The following PDE4D variants were observed in gnomAD, a reference collection of about 807,000 sequenced individuals.
PDE4D encodes phosphodiesterase 4D.
In PDE4D, 24 loss-of-function variants were observed where a neutral mutation model predicts 87.4. That is an observed-to-expected ratio of 0.27 (90% confidence interval 0.20 to 0.39). The LOEUF is 0.39. Among genes scored for constraint, PDE4D ranks in the 10% least tolerant of loss-of-function variants. PDE4D has a pLI of 1.00. For missense variants in PDE4D, 714 were observed against 1,041.0 expected (o/e 0.69, Z 4.32); for synonymous variants, 384 against 383.2 (o/e 1.00, Z -0.02).
intron 1 of PDE4D, among the ~76,000 whole-genome samples, chr5:60,334,895 A>G (rs898272252): frequency 3.9e-5 from 6 of 152,140 alleles, no homozygotes; most frequent in African/African-American, 1.4e-4. Flanking sequence ...TATTTTGTGC[A>G]TTCCATATAA....
rs78846268 is a variant in PDE4D at position 59,508,551 on chromosome 5, T to C, written c.456-292583A>G. Among the ~76,000 whole-genome samples the C allele has an allele frequency of 5.1e-3, 777 of 151,342 alleles. 41 individuals carry two copies. In the East Asian group the frequency reaches 0.13, roughly 25 times the overall value. ...ATGAGCTCACATATGTAAAAAAATA[T>C]AGAAAATGCATAAAAAAAATAAACT... On this transcript the variant is annotated intron_variant, in intron 1 of 14. Transcript: ENST00000340635.
At chr5:59,601,796 C>A (rs1393908278) in intron 1 of PDE4D, among the ~76,000 whole-genome samples, 1 of 151,996 alleles carries the variant, frequency 6.6e-6, no homozygotes, top group Admixed American at 6.6e-5. Flanking sequence ...CCTCAGAGCC[C>A]CAAGTGTAAA....
chr5:60,092,671 T>G (rs1330693768), intron 2 of PDE4D, among the ~76,000 whole-genome samples: 1 of 151,502 alleles, frequency 6.6e-6, no homozygotes, highest in African/African-American at 2.4e-5. Flanking sequence ...AGAAGACACA[T>G]GGTAGAGATC....
intron 1 of PDE4D, among the ~76,000 whole-genome samples, chr5:59,512,146 G>T (rs1379778621): frequency 1.3e-5 from 2 of 152,102 alleles, no homozygotes; most frequent in Non-Finnish European, 2.9e-5. Flanking sequence ...TGAGAAAAAA[G>T]AAAAATTAAA....
intron 1 of PDE4D, among the ~76,000 whole-genome samples, chr5:59,303,154 T>G (rs1338923378): frequency 6.6e-6 from 1 of 152,238 alleles, no homozygotes; most frequent in Non-Finnish European, 1.5e-5. Context: ...GTTGAGCATT[T>G]TTTCATATGT....
upstream of PDE4D, among the ~76,000 whole-genome samples, chr5:59,898,174 G>A (rs1462152592): frequency 6.6e-6 from 1 of 152,150 alleles, no homozygotes; most frequent in Non-Finnish European, 1.5e-5. Context: ...TGCAAATTTA[G>A]CAGCACACTA....
At chr5:60,161,013 T>C (rs1782429878) in intron 2 of PDE4D, among the ~76,000 whole-genome samples, 1 of 152,218 alleles carries the variant, frequency 6.6e-6, no homozygotes, top group Non-Finnish European at 1.5e-5. Context: ...AAAGATTTTC[T>C]TAATGAATTA....
chr5:59,223,110 G>C (rs1421481808), intron 1 of PDE4D, among the ~76,000 whole-genome samples: 4 of 152,150 alleles, frequency 2.6e-5, no homozygotes, highest in Admixed American at 6.5e-5. Flanking sequence ...ACAGATGCTG[G>C]AGCCAGATTG....
At chr5:59,095,007 A>G (rs1769436531) in intron 5 of PDE4D, among the ~76,000 whole-genome samples, 1 of 152,112 alleles carries the variant, frequency 6.6e-6, no homozygotes, top group Non-Finnish European at 1.5e-5. Flanking sequence ...CTGGAAAAAA[A>G]AAAGTACTAT....
At chr5:59,091,112 C>G (rs1247746194) in intron 5 of PDE4D, 2 of 453,722 alleles carry the variant, frequency 4.4e-6, no homozygotes, top group Non-Finnish European at 8.9e-6. Context: ...ATGCAATGAT[C>G]CCATTATAGA....
intron 1 of PDE4D, among the ~76,000 whole-genome samples, chr5:59,373,810 C>T (rs1447243189): frequency 7.9e-5 from 12 of 152,108 alleles, no homozygotes; most frequent in Non-Finnish European, 8.8e-5. Context: ...AAAGGAAGCC[C>T]ATCAGACTAA....
In PDE4D at chr5:59,990,583, T is replaced by C. The variant is rs568578458; in HGVS notation, c.43-1866A>G. Among the ~76,000 whole-genome samples, 3 of 152,326 alleles carry C rather than the reference T, an allele frequency of 2.0e-5. No individual in the cohort carries two copies. The South Asian group carries it at 6.2e-4, about 32-fold the overall frequency. The stretch of plus-strand genomic sequence containing the variant: ...AAAGCTAAAAAGAAAGTTCATTTAT[T>C]TCAAATCCTAAATTCTGAGAATCTG... On this transcript the variant is annotated intron_variant, in intron 2 of 16. Coordinates refer to the PDE4D transcript ENST00000502484.
At chr5:59,803,658 C>T (rs1767412683) in intron 1 of PDE4D, among the ~76,000 whole-genome samples, 1 of 152,136 alleles carries the variant, frequency 6.6e-6, no homozygotes, top group Non-Finnish European at 1.5e-5. Context: ...AATTCTGATG[C>T]ATCCTAAAGT....
intron 1 of PDE4D, among the ~76,000 whole-genome samples, chr5:59,687,335 C>T (rs1164183699): frequency 2.0e-5 from 3 of 152,122 alleles, no homozygotes; most frequent in Admixed American, 6.6e-5. Context: ...AGAGAAAGGT[C>T]GGGTTACCCA....
intron 5 of PDE4D, among the ~76,000 whole-genome samples, chr5:59,170,301 G>A (rs1228575653): frequency 6.6e-6 from 1 of 152,160 alleles, no homozygotes; most frequent in Non-Finnish European, 1.5e-5. Context: ...ACAGGTGTGA[G>A]CCACTGCACC....
chr5:60,329,452 CCT>C (rs2149863898), intron 1 of PDE4D, among the ~76,000 whole-genome samples: 1 of 152,246 alleles, frequency 6.6e-6, no homozygotes, highest in East Asian at 1.9e-4. Context: ...GTCAATTAAA[CCT>C]CTTTCCTTTA....
intron 1 of PDE4D, among the ~76,000 whole-genome samples, chr5:59,632,090 G>A (rs1391003987): frequency 1.3e-5 from 2 of 152,140 alleles, no homozygotes; most frequent in Non-Finnish European, 2.9e-5. Context: ...GGCTTAAGTA[G>A]GTGGTTTTTC....
rs543600432 is a variant in PDE4D, at chr5:60,308,106, A to G, written c.-89-122419T>C. Among the ~76,000 whole-genome samples, 40 of 152,320 alleles carry G rather than the reference A, an allele frequency of 2.6e-4. 2 individuals carry two copies. In the Middle Eastern group the frequency reaches 0.031, roughly 117 times the overall value. On this transcript the variant is annotated intron_variant, in intron 1 of 16. Transcript: ENST00000502484. ...CAGGCCATTACTTATTTCCATGACA[A>G]TTTAAAAATGGAGATGTTTCTATTC...
rs1293318626 is a variant in PDE4D at position 59,164,749 on chromosome 5, G to T, written c.808+15846C>A. On this transcript the variant is annotated intron_variant, in intron 5 of 14. Coordinates refer to ENST00000340635, the MANE Select transcript of PDE4D (RefSeq NM_001104631.2). ...CCTTCTGTTGGATGGCATGATGTAGGTTGCTAGGCTGGACTTGTTAAACGT... is the reference window on the plus strand; with the variant it reads ...CCTTCTGTTGGATGGCATGATGTAGTTTGCTAGGCTGGACTTGTTAAACGT... 2.0e-5 allele frequency among the ~76,000 whole-genome samples: 3 copies of T among 152,062 alleles called. No homozygotes were observed. The South Asian group carries it at 6.2e-4, about 32-fold the overall frequency.
Sources: gnomAD v4.1 joint callset for allele counts (sites outside exome capture counted in the v4.1 genomes callset) on GRCh38, gnomAD v4.1.1 for gene constraint, MANE v1.5 for transcripts, NCBI Gene and HGNC (gene_info 2026-07-23, HGNC 2026-07-21) for gene names.